EDARADD: variants seen among roughly 807,000 people sequenced by gnomAD.
The protein encoded by EDARADD is ectodysplasin-A receptor-associated adapter protein.
In EDARADD, 20 loss-of-function variants were observed where a neutral mutation model predicts 25.6. The ratio of observed to expected loss-of-function variants is 0.78; its 90% CI spans 0.55 to 1.14. EDARADD has a LOEUF of 1.14. Among genes scored for constraint, EDARADD ranks in the 50% most tolerant of loss-of-function variants. EDARADD has a pLI of 0.00. For synonymous variants in EDARADD, 86 were observed against 94.4 expected (o/e 0.91, Z 0.52); for missense variants, 225 against 270.1 (o/e 0.83, Z 1.17).
At chr1:236,430,418 G>A (rs1286875838) in intron 4 of EDARADD, among the ~76,000 whole-genome samples, 1 of 151,948 alleles carries the variant, frequency 6.6e-6, no homozygotes, top group Non-Finnish European at 1.5e-5. Context: ...TTACTTTTAG[G>A]GATTTTCCAA....
chr1:236,377,272 C>T (rs1241480216), intron 3 of EDARADD, among the ~76,000 whole-genome samples: 1 of 151,276 alleles, frequency 6.6e-6, no homozygotes, highest in Non-Finnish European at 1.5e-5. Context: ...TCTCCTGCCT[C>T]AGCCCCCCGA....
upstream of EDARADD, among the ~76,000 whole-genome samples, chr1:236,390,199 A>G (rs116346963): frequency 3.3e-5 from 5 of 152,084 alleles, no homozygotes; most frequent in Admixed American, 2.6e-4. Context: ...AAGACAACCA[A>G]TATGGTGCAC....
chr1:236,471,473 A>G (rs80262882), intron 5 of EDARADD, among the ~76,000 whole-genome samples: 1 of 134,524 alleles, frequency 7.4e-6, no homozygotes, highest in African/African-American at 3.1e-5. Flanking sequence ...CCACACACAG[A>G]AAAAAAAAAA....
At chr1:236,436,985 T>C (rs1045510997) in intron 4 of EDARADD, among the ~76,000 whole-genome samples, 2 of 152,240 alleles carry the variant, frequency 1.3e-5, no homozygotes, top group South Asian at 2.1e-4. Flanking sequence ...CTTTCAAGTA[T>C]TTCAGTGCCA....
At chr1:236,450,298 A>G (rs796628145) in intron 4 of EDARADD, among the ~76,000 whole-genome samples, 1 of 151,834 alleles carries the variant, frequency 6.6e-6, no homozygotes, top group South Asian at 2.1e-4. Flanking sequence ...TGTCTCTAAA[A>G]TAATAATAAT....
rs1254096959 is a variant in EDARADD at position 236,386,146 on chromosome 1, C to T, written c.-5-23070C>T. Among the ~76,000 whole-genome samples the T allele has an allele frequency of 1.2e-4, 4 of 34,020 alleles. 2 individuals are homozygous for T. The highest frequency in any genetic ancestry group is 3.3e-4 in the African/African-American group (4 of 12,176). 22.3% of individuals were successfully genotyped at this position (34,020 alleles called of 152,430 possible). On this transcript the variant is annotated intron_variant, in intron 3 of 7. Transcript: ENST00000439430. ...ACCGGGCCGGTCTCCAGCCCCTAACCGCGAGTGATCCGCCAACCTCGGCCT... is the reference window on the plus strand; with the variant it reads ...ACCGGGCCGGTCTCCAGCCCCTAACTGCGAGTGATCCGCCAACCTCGGCCT...
chr1:236,355,874 G>A (rs1353229424), intron 3 of EDARADD, among the ~76,000 whole-genome samples: 2 of 152,014 alleles, frequency 1.3e-5, no homozygotes, highest in Admixed American at 6.6e-5. Context: ...ACCCATGACC[G>A]GTTCTAAGGC....
chr1:236,356,032 A>C (rs1047461492), intron 3 of EDARADD, among the ~76,000 whole-genome samples: 13 of 152,208 alleles, frequency 8.5e-5, no homozygotes, highest in African/African-American at 3.1e-4. Context: ...AAAACTCATC[A>C]GTGTCTGCCT....
At chr1:236,436,142 A>T (rs1393443071) in intron 4 of EDARADD, among the ~76,000 whole-genome samples, 1 of 130,080 alleles carries the variant, frequency 7.7e-6, no homozygotes, top group South Asian at 2.2e-4. Flanking sequence ...CATCTCTATT[A>T]AAAAAAAAAA....
chr1:236,447,616 C>G (rs1234286775), intron 4 of EDARADD, among the ~76,000 whole-genome samples: 2 of 152,050 alleles, frequency 1.3e-5, no homozygotes. Context: ...CGGGAGGGGT[C>G]AGCAAGCTTC....
At chr1:236,417,841 A>G (rs1201741698) in intron 3 of EDARADD, among the ~76,000 whole-genome samples, 1 of 152,072 alleles carries the variant, frequency 6.6e-6, no homozygotes, top group East Asian at 1.9e-4. Context: ...AGATTTTATC[A>G]TCTTCATTTT....
At chr1:236,449,168 C>T (rs773846228) in intron 4 of EDARADD, among the ~76,000 whole-genome samples, 1 of 152,140 alleles carries the variant, frequency 6.6e-6, no homozygotes, top group East Asian at 1.9e-4. Flanking sequence ...GTGTTCAGGC[C>T]TGTCTCCAAA....
At chr1:236,405,825 CCTTCCTTCCTTCCTT>C (rs1558112660) in intron 1 of EDARADD, among the ~76,000 whole-genome samples, 4 of 26,264 alleles carry the variant, frequency 1.5e-4, no homozygotes, top group African/African-American at 6.4e-4. Context: ...TCCTTCCTTT[CCTTCCTTCCTTCCTT>C]CCTTCCTTCC....
At chr1:236,392,211 ACTT>A (rs558699363), upstream of EDARADD, among the ~76,000 whole-genome samples, 130 of 152,290 alleles carry the variant, frequency 8.5e-4, 2 homozygotes, top group Middle Eastern at 6.8e-3. Context: ...ATATTGGTTG[ACTT>A]CTTATAACTA....
intron 5 of EDARADD, among the ~76,000 whole-genome samples, chr1:236,478,931 A>G (rs1659588211): frequency 6.6e-6 from 1 of 152,132 alleles, no homozygotes; most frequent in Non-Finnish European, 1.5e-5. Context: ...AAAACCAAAC[A>G]TCGTATGTTC....
chr1:236,452,142 G>C (rs1252967608), intron 4 of EDARADD, among the ~76,000 whole-genome samples: 2 of 152,338 alleles, frequency 1.3e-5, no homozygotes, highest in East Asian at 3.9e-4. Flanking sequence ...GCTGGGGAGT[G>C]AGAGGCTGGT....
intron 2 of EDARADD, among the ~76,000 whole-genome samples, chr1:236,350,491 T>C (rs1666902942): frequency 6.6e-6 from 1 of 152,188 alleles, no homozygotes; most frequent in Non-Finnish European, 1.5e-5. Context: ...GCCAGGCTGG[T>C]CTCGCACTCC....
intron 1 of EDARADD, among the ~76,000 whole-genome samples, chr1:236,403,361 C>T (rs1480570436): frequency 2.0e-5 from 3 of 152,182 alleles, no homozygotes; most frequent in Admixed American, 2.0e-4. Flanking sequence ...GATCTCGACT[C>T]ACTGCAACCT....
chr1:236,477,723 T>C (rs1255443353), intron 5 of EDARADD, among the ~76,000 whole-genome samples: 1 of 151,804 alleles, frequency 6.6e-6, no homozygotes, highest in Non-Finnish European at 1.5e-5. Flanking sequence ...GGTATGGAGA[T>C]AGAAAAAGAT....
Sources: allele counts gnomAD v4.1 joint callset (sites outside exome capture counted in the v4.1 genomes callset), GRCh38; gene constraint gnomAD v4.1.1; transcripts MANE v1.5; gene names NCBI Gene and HGNC (gene_info 2026-07-23, HGNC 2026-07-21).